Variants in CYTL1 observed in about 807,000 individuals in gnomAD.
CYTL1 encodes cytokine-like protein 1.
Under a neutral mutation model 13.1 loss-of-function variants are expected in CYTL1, and 17 were observed. That is an observed-to-expected ratio of 1.29 (90% CI 0.89 to 1.94). The LOEUF (loss-of-function observed/expected upper bound fraction) is 1.94, where lower values mean the gene tolerates loss of function less well. CYTL1 is among the 30% of genes most tolerant of loss of function. CYTL1 has a pLI of 0.00. For missense variants in CYTL1, 213 were observed against 174.8 expected, an observed-to-expected ratio of 1.22 and a Z score of -1.23; for synonymous variants, 91 against 79.4, an observed-to-expected ratio of 1.15 and a Z score of -0.78.
chr4:5,015,360 T>G, intron 3 of CYTL1, 126 bp from the exon 4 acceptor site: 1 of 676,934 alleles, frequency 1.5e-6, no homozygotes. Flanking sequence ...AAACTTCCCA[T>G]GCCTTACTCT....
intron 3 of CYTL1, 29 bp downstream of exon 3, chr4:5,016,807 A>C (rs751110347): frequency 1.2e-5 from 20 of 1,613,564 alleles, no homozygotes; most frequent in African/African-American, 2.7e-5. Context: ...TAGCAAGTAG[A>C]AAATAGACTT....
intron 1 of CYTL1, 47 bp downstream of exon 1, chr4:5,019,246 A>G: frequency 1.5e-6 from 2 of 1,374,522 alleles, no homozygotes; most frequent in Non-Finnish European, 1.9e-6. Context: ...AGGGTTTAAG[A>G]ACTGGGTCTG....
Position 5,019,378 on chromosome 4 carries a change from G to A in CYTL1, c.68C>T (p.Thr23Ile). The A allele has an allele frequency of 6.6e-7, 1 of 1,510,490 alleles. No individual in the cohort carries two copies. The highest frequency in any genetic ancestry group is 8.8e-7 in the Non-Finnish European group (1 of 1,137,752). 93.6% of individuals were successfully genotyped at this position (1,510,490 alleles called of 1,614,324 possible). A position where few individuals can be genotyped will look rare whatever the true frequency, so the allele number is the denominator to read the frequency against. The change falls in exon 1 of 4, where the codon ACT (threonine) becomes ATT (isoleucine). Residue 23 changes from threonine to isoleucine, a missense_variant. By Grantham distance (89) the Thr-to-Ile change is moderately conservative (BLOSUM62 -1). Coordinates refer to ENST00000307746, the MANE Select transcript of CYTL1 (RefSeq NM_018659.3). ...CATGCGGGAGTAGCAGGTCGGGGGA[G>A]TGGGCCGCGCGGCGGGGGCTCCCGC... ...LLAGAPAARP[T>I]PPTCYSRMRA...
Position 5,014,856 on chromosome 4 carries a change from A to C in CYTL1, c.*295T>G. The C allele has an allele frequency of 2.7e-6, 1 of 368,420 alleles. No individual in the cohort carries two copies. The highest frequency in any genetic ancestry group is 5.0e-6 in the Non-Finnish European group (1 of 200,178). 22.8% of individuals were successfully genotyped at this position (368,420 alleles called of 1,614,324 possible). A position where few individuals can be genotyped will look rare whatever the true frequency, so the allele number is the denominator to read the frequency against. On this transcript the variant is annotated 3_prime_UTR_variant, in exon 4 of 4. Transcript: ENST00000307746. ...CAAGTTCTCAAAATAGTTGTTCATA[A>C]AAGTGAAGCTTGTTAGTCCTTTTCT... is the stretch of plus-strand genomic sequence containing the variant.
Position 5,019,358 on chromosome 4 carries a change from G to C in CYTL1, c.88C>G (p.Arg30Gly). Residue 30 changes from arginine to glycine, a missense_variant, in exon 1 of 4, where the codon CGC becomes GGC. Transcript: ENST00000307746. ...ARPTPPTCYS[R>G]MRALSQEITR... Reference sequence around the variant, plus strand: ...ATCTCCTGGCTCAGGGCCCGCATGCGGGAGTAGCAGGTCGGGGGAGTGGGC... The same window carrying C: ...ATCTCCTGGCTCAGGGCCCGCATGCCGGAGTAGCAGGTCGGGGGAGTGGGC... The C allele has an allele frequency of 6.6e-7, 1 of 1,512,458 alleles. No homozygotes were observed. The highest frequency in any genetic ancestry group is 2.6e-5 in the Admixed American group (1 of 38,966). 93.7% of individuals were successfully genotyped at this position (1,512,458 alleles called of 1,614,324 possible). A position where few individuals can be genotyped will look rare whatever the true frequency, so the allele number is the denominator to read the frequency against.
At chr4:5,015,297 T>C in intron 3 of CYTL1, 63 bp from the exon 4 acceptor site, 1 of 1,293,164 alleles carries the variant, frequency 7.7e-7, no homozygotes, top group Non-Finnish European at 1.1e-6. Flanking sequence ...CATATGCAAC[T>C]GTAGGGCTCT....
At chr4:5,015,269 G>A in intron 3 of CYTL1, 35 bp from the exon 4 acceptor site, 1 of 1,566,360 alleles carries the variant, frequency 6.4e-7, no homozygotes, top group East Asian at 2.2e-5. Context: ...GAAAGTTACT[G>A]AAGGTGGTCA....
At chr4:5,017,252 C>A (rs1741095486) in intron 1 of CYTL1, 73 bp from the exon 2 acceptor site, 1 of 1,469,798 alleles carries the variant, frequency 6.8e-7, no homozygotes, top group South Asian at 1.2e-5. Context: ...CCTAGTGGCC[C>A]TCTCAACAGC....
chr4:5,017,988 C>T (rs188930259), intron 1 of CYTL1, among the ~76,000 whole-genome samples: 9 of 152,256 alleles, frequency 5.9e-5, no homozygotes, highest in South Asian at 2.1e-4. Context: ...ACTTTCTTCC[C>T]GCTCTGTGGT....
chr4:5,016,837 C>G lies in CYTL1; in HGVS notation c.326G>C (p.Arg109Thr). 6.2e-7 allele frequency: 1 copy of G among 1,614,194 alleles called. No homozygotes were observed. Among genetic ancestry groups the G allele is most frequent in the South Asian group, 1.1e-5 (1 of 91,076 alleles). ...AGACTTTCAATGGCATCCACTTACT[C>G]TCCTGCAGAACGAGTTCATGATGGT... is the stretch of plus-strand genomic sequence containing the variant. ...LYTIMNSFCR[R>T]DLVFLLDDCN... Residue 109 changes from arginine (R) to threonine (T), a missense_variant and splice_region_variant, in exon 3 of 4, where the codon AGA becomes ACA. Transcript: ENST00000307746.
At chr4:5,019,003 C>CTTTTTTTTTTTTTTTTTTTTTTT (rs1186542271) in intron 1 of CYTL1, among the ~76,000 whole-genome samples, 2 of 89,642 alleles carry the variant, frequency 2.2e-5, no homozygotes, top group South Asian at 3.9e-4. Context: ...TTTCTTTTTT[C>CTTTTTTTTTTTTTTTTTTTTTTT]TTTTTTTTTT....
intron 1 of CYTL1, among the ~76,000 whole-genome samples, chr4:5,017,838 T>C (rs1481363206): frequency 6.6e-6 from 1 of 152,212 alleles, no homozygotes; most frequent in African/African-American, 2.4e-5. Context: ...ATTTCTATAT[T>C]GGGCTTCCGT....
intron 2 of CYTL1, 47 bp downstream of exon 2, chr4:5,017,088 G>GA: frequency 6.2e-7 from 1 of 1,608,654 alleles, no homozygotes; most frequent in South Asian, 1.1e-5. Flanking sequence ...GTTCAGACCT[G>GA]AGTCCCTCAG....
At chr4:5,016,333 A>G (rs1363666324) in intron 3 of CYTL1, among the ~76,000 whole-genome samples, 1 of 152,208 alleles carries the variant, frequency 6.6e-6, no homozygotes, top group East Asian at 1.9e-4. Flanking sequence ...ATGTTATAGC[A>G]GCAGAAACAG....
Position 5,019,402 on chromosome 4 carries a change from G to A in CYTL1, c.44C>T (p.Ala15Val), listed in dbSNP as rs546321692. Residue 15 changes from alanine (A) to valine (V), a missense_variant, in exon 1 of 4, where the codon GCG becomes GTG. Transcript: ENST00000307746. ...GPLPVLLLLL[A>V]GAPAARPTPP... ...AGTGGGCCGCGCGGCGGGGGCTCCCGCCAGGAGCAGCAGCAGCACGGGCAG... is the reference window on the plus strand; with the variant it reads ...AGTGGGCCGCGCGGCGGGGGCTCCCACCAGGAGCAGCAGCAGCACGGGCAG... 1.3e-6 allele frequency: 2 copies of A among 1,491,808 alleles called. No individual in the cohort carries two copies. Among genetic ancestry groups the A allele is most frequent in the African/African-American group, 1.5e-5 (1 of 68,050 alleles). 92.4% of individuals were successfully genotyped at this position (1,491,808 alleles called of 1,614,324 possible).
rs1577597190 is a variant in CYTL1, at chr4:5,019,401, C to T, written c.45G>A (p.Ala15=). Residue 15 remains alanine, a synonymous_variant, in exon 1 of 4, where the codon GCG becomes GCA. Transcript: ENST00000307746. The part of the protein sequence containing the change: ...GPLPVLLLLL[A]GAPAARPTPP... ...GAGTGGGCCGCGCGGCGGGGGCTCCCGCCAGGAGCAGCAGCAGCACGGGCA... is the reference window on the plus strand; with the variant it reads ...GAGTGGGCCGCGCGGCGGGGGCTCCTGCCAGGAGCAGCAGCAGCACGGGCA... 10 of 1,494,350 alleles carry T rather than the reference C, an allele frequency of 6.7e-6. No homozygotes were observed. Among genetic ancestry groups the T allele is most frequent in the Non-Finnish European group, 8.8e-6 (10 of 1,130,360 alleles). The allele number at this position is 1,494,350 out of a possible 1,614,324, so 92.6% of individuals were successfully genotyped here. A position where few individuals can be genotyped will look rare whatever the true frequency, so the allele number is the denominator to read the frequency against.
chr4:5,017,176 G>C lies in CYTL1; in HGVS notation c.157C>G (p.Pro53Ala). 2 of 1,613,930 alleles carry C rather than the reference G, an allele frequency of 1.2e-6. No homozygotes were observed. Among genetic ancestry groups the C allele is most frequent in the Middle Eastern group, 3.3e-4 (2 of 6,058 alleles). The change falls in exon 2 of 4, where the codon CCA (proline) becomes GCA (alanine). Residue 53 changes from proline (P) to alanine (A), a missense_variant. Transcript: ENST00000307746. The part of the protein sequence containing the change: ...NLLQVSEPSE[P>A]CVRYLPRLYL... ...AGCCTGGGCAGGTATCTCACACATG[G>C]CTCCTGTGGAAAGGGATAAGGGGTT...
chr4:5,017,374 A>T (rs1741097542), intron 1 of CYTL1, among the ~76,000 whole-genome samples, 195 bp from the exon 2 acceptor site: 1 of 152,176 alleles, frequency 6.6e-6, no homozygotes, highest in South Asian at 2.1e-4. Context: ...CCGGAATTAG[A>T]CTTTTAGAAT....
chr4:5,019,184 A>G (rs1435393016), intron 1 of CYTL1, 109 bp downstream of exon 1: 1 of 1,055,798 alleles, frequency 9.5e-7, no homozygotes, highest in African/African-American at 1.7e-5. Context: ...TTTACTAGAA[A>G]AGAAAAATAT....
Sources: allele counts gnomAD v4.1 joint callset (sites outside exome capture counted in the v4.1 genomes callset), GRCh38; gene constraint gnomAD v4.1.1; transcripts MANE v1.5; gene names NCBI Gene and HGNC (gene_info 2026-07-23, HGNC 2026-07-21).